INSL6: variants seen among roughly 807,000 people sequenced by gnomAD.
The protein encoded by INSL6 is insulin-like peptide INSL6.
In INSL6, 16 loss-of-function variants were observed where a neutral mutation model predicts 9.4. That is an observed-to-expected ratio of 1.70 (90% CI 1.15 to 2.59). The LOEUF (loss-of-function observed/expected upper bound fraction) is 2.59. Among genes scored for constraint, INSL6 ranks in the 30% most tolerant of loss-of-function variants. INSL6 has a pLI of 0.00. For missense variants in INSL6, 391 were observed against 257.3 expected (o/e 1.52, Z -3.56); for synonymous variants, 154 against 96.9 (o/e 1.59, Z -3.46).
the INSL6 span, among the ~76,000 whole-genome samples, chr9:5,035,984 A>G: frequency 1.3e-5 from 2 of 152,144 alleles, no homozygotes; most frequent in Non-Finnish European, 2.9e-5. Context: ...GGAAAACCCC[A>G]TCGTCTCAGC....
the INSL6 span, chr9:5,050,894 T>C: frequency 6.4e-6 from 9 of 1,410,854 alleles, no homozygotes; most frequent in South Asian, 6.0e-5. Flanking sequence ...AATTCGTATA[T>C]ATTTTCTGTG....
At chr9:5,066,237 CT>C in the INSL6 span, among the ~76,000 whole-genome samples, 129 of 152,104 alleles carry the variant, frequency 8.5e-4, no homozygotes, top group African/African-American at 2.9e-3. Flanking sequence ...TTCTCTTAGA[CT>C]TTGTTATCGT....
chr9:5,016,371 A>ATATC, the INSL6 span, among the ~76,000 whole-genome samples: 1 of 152,140 alleles, frequency 6.6e-6, no homozygotes, highest in African/African-American at 2.4e-5. Flanking sequence ...AGATTGTTAG[A>ATATC]TGAGGAGGGA....
At chr9:5,052,126 C>T in the INSL6 span, among the ~76,000 whole-genome samples, 1 of 152,002 alleles carries the variant, frequency 6.6e-6, no homozygotes, top group Non-Finnish European at 1.5e-5. Flanking sequence ...AAGCTTTGAC[C>T]CATTGAAGAT....
At chr9:5,091,532 G>C in the INSL6 span, 1 of 152,214 alleles carries the variant, frequency 6.6e-6, no homozygotes, top group East Asian at 1.9e-4. Context: ...GTATAATTAT[G>C]GGTGTTGGTT....
chr9:5,049,078 T>A, the INSL6 span, among the ~76,000 whole-genome samples: 1 of 152,220 alleles, frequency 6.6e-6, no homozygotes, highest in South Asian at 2.1e-4. Context: ...AATATATAGT[T>A]AATAAAGTTA....
chr9:4,994,618 T>C, the INSL6 span, among the ~76,000 whole-genome samples: 1 of 152,238 alleles, frequency 6.6e-6, no homozygotes, highest in Non-Finnish European at 1.5e-5. Flanking sequence ...GCCTTTGTGG[T>C]GCAAAAGCAG....
At chr9:5,129,529 G>A (rs1036030021) in intron 3 of INSL6, among the ~76,000 whole-genome samples, 4 of 152,054 alleles carry the variant, frequency 2.6e-5, no homozygotes, top group African/African-American at 4.8e-5. Context: ...GGGGCATAAT[G>A]TACTAAGAAT....
At chr9:5,073,888 ATAATT>A in the INSL6 span, 3 of 716,530 alleles carry the variant, frequency 4.2e-6, no homozygotes, top group East Asian at 7.5e-5. Context: ...AGTGTAAACT[ATAATT>A]TAACAGGAGT....
chr9:5,002,715 G>A, the INSL6 span, among the ~76,000 whole-genome samples: 1 of 151,900 alleles, frequency 6.6e-6, no homozygotes, highest in Non-Finnish European at 1.5e-5. Context: ...CCTGAGAAAT[G>A]AGTATTGAAA....
the INSL6 span, among the ~76,000 whole-genome samples, chr9:5,106,718 C>G: frequency 1.3e-5 from 2 of 152,096 alleles, no homozygotes; most frequent in African/African-American, 4.8e-5. Context: ...ACTATGCAGC[C>G]ATAAACAAGG....
rs533266538 is a variant in INSL6, at chr9:5,172,457, A to G, written c.290-8192T>C. Among the ~76,000 whole-genome samples, 6 of 152,364 alleles carry G rather than the reference A, an allele frequency of 3.9e-5. 1 individual carries two copies. The East Asian group carries it at 9.6e-4, about 24-fold the overall frequency. On this transcript the variant is annotated intron_variant, in intron 1 of 1. Transcript: ENST00000381641. ...ATTGCAACAAAAGCCCAAATTGACAAATAAGATCTAATTAAACTAAAGAAC... is the reference window on the plus strand; with the variant it reads ...ATTGCAACAAAAGCCCAAATTGACAGATAAGATCTAATTAAACTAAAGAAC...
chr9:5,044,486 T>G, the INSL6 span: 1 of 1,611,382 alleles, frequency 6.2e-7, no homozygotes, highest in South Asian at 1.1e-5. Context: ...GCTCCTCTTC[T>G]TGATGACTTT....
chr9:5,039,523 G>C, the INSL6 span, among the ~76,000 whole-genome samples: 1 of 152,068 alleles, frequency 6.6e-6, no homozygotes, highest in African/African-American at 2.4e-5. Flanking sequence ...TCTGGAACTA[G>C]TACTGCATAG....
At chr9:5,051,723 T>C in the INSL6 span, among the ~76,000 whole-genome samples, 1 of 152,200 alleles carries the variant, frequency 6.6e-6, no homozygotes, top group Non-Finnish European at 1.5e-5. Flanking sequence ...GAGTACATCA[T>C]GAGTGTGGTT....
chr9:5,182,516 A>G lies in INSL6; in HGVS notation c.289+2798T>C, dbSNP rs527933983. Among the ~76,000 whole-genome samples the G allele has an allele frequency of 2.8e-4, 43 of 152,204 alleles. 1 individual carries two copies. In the South Asian group the frequency reaches 8.7e-3, roughly 31 times the overall value. ...AGGCTTCATGAGGGTAGGAGCCTTCACCGTTTACTCTAACATCCCAATCAC... is the reference window on the plus strand; with the variant it reads ...AGGCTTCATGAGGGTAGGAGCCTTCGCCGTTTACTCTAACATCCCAATCAC... On this transcript the variant is annotated intron_variant, in intron 1 of 1. Transcript: ENST00000381641.
the INSL6 span, among the ~76,000 whole-genome samples, chr9:5,064,013 G>T: frequency 6.6e-6 from 1 of 152,028 alleles, no homozygotes; most frequent in Non-Finnish European, 1.5e-5. Flanking sequence ...AAAATTAGCC[G>T]GGCGTCTTGG....
At chr9:5,172,403 A>G (rs1050032518) in intron 1 of INSL6, among the ~76,000 whole-genome samples, 1 of 152,256 alleles carries the variant, frequency 6.6e-6, no homozygotes, top group African/African-American at 2.4e-5. Flanking sequence ...GGTATGGGCA[A>G]AGATTTCAGG....
intron 2 of INSL6, among the ~76,000 whole-genome samples, chr9:5,139,211 CT>C (rs1824442832): frequency 6.6e-6 from 1 of 152,056 alleles, no homozygotes; most frequent in African/African-American, 2.4e-5. Context: ...TGGAGGCATT[CT>C]AATGGGTGTG....
Sources: gnomAD v4.1 joint callset for allele counts (sites outside exome capture counted in the v4.1 genomes callset) on GRCh38, gnomAD v4.1.1 for gene constraint, MANE v1.5 for transcripts, NCBI Gene and HGNC (gene_info 2026-07-23, HGNC 2026-07-21) for gene names.